Variants in MYH13 observed in about 807,000 individuals in gnomAD.
MYH13 encodes myosin-13.
Under a neutral mutation model 232.1 loss-of-function variants are expected in MYH13, and 177 were observed. The ratio of observed to expected loss-of-function variants is 0.76; its 90% CI spans 0.67 to 0.86. The LOEUF is 0.86. MYH13 is among the 40% of genes least tolerant of loss of function. MYH13 has a pLI of 0.00. For missense variants in MYH13, 2,246 were observed against 2,405.9 expected, an observed-to-expected ratio of 0.93 and a Z score of 1.39; for synonymous variants, 884 against 923.5, an observed-to-expected ratio of 0.96 and a Z score of 0.78.
At chr17:10,365,724 G>C (rs2071828871) in intron 2 of MYH13, among the ~76,000 whole-genome samples, 1 of 152,144 alleles carries the variant, frequency 6.6e-6, no homozygotes, top group South Asian at 2.1e-4. Flanking sequence ...ATAGGAGATG[G>C]GGAAGTACTG....
intron 27 of MYH13, among the ~76,000 whole-genome samples, chr17:10,317,019 T>G (rs767339437): frequency 6.6e-6 from 1 of 152,104 alleles, no homozygotes; most frequent in Non-Finnish European, 1.5e-5. Flanking sequence ...GATGGCAGCT[T>G]GCAAGGAGAA....
Position 10,332,097 on chromosome 17 carries a change from A to G in MYH13, c.2298+2T>C, listed in dbSNP as rs1271832561. The G allele has an allele frequency of 6.2e-7, 1 of 1,613,774 alleles. No homozygotes were observed. The highest frequency in any genetic ancestry group is 8.5e-7 in the Non-Finnish European group (1 of 1,179,832). On this transcript the variant is annotated splice_donor_variant, in intron 20 of 40. Coordinates refer to ENST00000252172, the MANE Select transcript of MYH13 (RefSeq NM_003802.3). LOFTEE classifies it high-confidence loss of function. The stretch of plus-strand genomic sequence containing the variant: ...GGGAGTCCCAGCCTTGCCTGTGCTC[A>G]CCTTGGTGTTGCCGAACCTGAACTG...
At position 10,318,960 on chromosome 17, in the gene MYH13, C is replaced by A; in HGVS notation, c.3568G>T (p.Glu1190Ter). Residue 1190 changes from glutamate to a stop codon, truncating the protein, a stop_gained, in exon 27 of 41, where the codon GAA (glutamate) becomes TAA (stop). Transcript: ENST00000252172. LOFTEE classifies it high-confidence loss of function. ...RDLEEATLQH[E>*]ATAATLRKKQ... ...TTCCTCAGGGTGGCTGCTGTGGCTT[C>A]GTGCTGCAGGGTGGCCTCCTCCAGG... 1 of 1,614,152 alleles carries A rather than the reference C, an allele frequency of 6.2e-7. No homozygotes were observed. The highest frequency in any genetic ancestry group is 8.5e-7 in the Non-Finnish European group (1 of 1,180,024).
chr17:10,309,315 C>T lies in MYH13; in HGVS notation c.5088G>A (p.Leu1696=). The part of the protein sequence containing the change: ...LEELEEMKVA[L]EQTERTRRLS... ...GCCTGCGGGTCCGCTCCGTCTGTTC[C>T]AGGGCCACCTTCATTTCCTCCAGCT... Residue 1696 remains leucine (L), a synonymous_variant, in exon 35 of 41, where the codon CTG becomes CTA. Coordinates refer to ENST00000252172, the MANE Select transcript of MYH13 (RefSeq NM_003802.3). 1 of 1,613,976 alleles carries T rather than the reference C, an allele frequency of 6.2e-7. No individual in the cohort carries two copies. Among genetic ancestry groups the T allele is most frequent in the Non-Finnish European group, 8.5e-7 (1 of 1,179,862 alleles).
chr17:10,325,185 G>A (rs1430891710), intron 22 of MYH13, among the ~76,000 whole-genome samples: 2 of 152,090 alleles, frequency 1.3e-5, no homozygotes, highest in Non-Finnish European at 2.9e-5. Context: ...AAAGAATGAA[G>A]CCTCTAGAAA....
At position 10,322,627 on chromosome 17, in the gene MYH13, G is replaced by GT. The variant is rs1470854182; in HGVS notation, c.2935-920dup. Among the ~76,000 whole-genome samples, 231 of 130,838 alleles carry GT rather than the reference G, an allele frequency of 1.8e-3. 4 individuals are homozygous for GT. Among genetic ancestry groups the GT allele is most frequent in the Non-Finnish European group, 2.8e-3 (176 of 62,226 alleles). 85.8% of individuals were successfully genotyped at this position (130,838 alleles called of 152,430 possible). On this transcript the variant is annotated intron_variant, in intron 23 of 40. Coordinates refer to ENST00000252172, the MANE Select transcript of MYH13 (RefSeq NM_003802.3). ...CAATGTTATCATTTACAATGTTACAGTTGTTTTTTTTTTTTTTTTTTTTTG... is the reference window on the plus strand; with the variant it reads ...CAATGTTATCATTTACAATGTTACAGTTTGTTTTTTTTTTTTTTTTTTTTTG...
At chr17:10,302,824 A>C (rs1354745287) in intron 39 of MYH13, among the ~76,000 whole-genome samples, 1 of 151,938 alleles carries the variant, frequency 6.6e-6, no homozygotes, top group African/African-American at 2.4e-5. Flanking sequence ...GAGGTATCTC[A>C]GGTCAGGTCA....
At chr17:10,360,372 A>T (rs1284690608) in intron 5 of MYH13, among the ~76,000 whole-genome samples, 184 bp from the exon 6 acceptor site, 1 of 152,176 alleles carries the variant, frequency 6.6e-6, no homozygotes, top group Non-Finnish European at 1.5e-5. Flanking sequence ...CAAATGTGGG[A>T]TGTGCAACAT....
At chr17:10,316,176 A>G (rs887565388) in intron 27 of MYH13, among the ~76,000 whole-genome samples, 151 bp from the exon 28 acceptor site, 1 of 152,180 alleles carries the variant, frequency 6.6e-6, no homozygotes, top group African/African-American at 2.4e-5. Flanking sequence ...AAAAATCATA[A>G]TCGGCCAGGC....
At position 10,306,220 on chromosome 17, in the gene MYH13, A is replaced by ATGTGTGTGTGTGTG. The variant is rs34889608; in HGVS notation, c.5466+225_5466+238dup. Among the ~76,000 whole-genome samples, 1,738 of 129,960 alleles carry ATGTGTGTGTGTGTG rather than the reference A, an allele frequency of 0.013. 26 individuals carry two copies. The highest frequency in any genetic ancestry group is 0.02 in the Non-Finnish European group (1,215 of 61,000). The allele number at this position is 129,960 out of a possible 152,430, so 85.3% of individuals were successfully genotyped here. A position where few individuals can be genotyped will look rare whatever the true frequency, so the allele number is the denominator to read the frequency against. On this transcript the variant is annotated intron_variant, in intron 37 of 40. Coordinates refer to ENST00000252172, the MANE Select transcript of MYH13 (RefSeq NM_003802.3). This position sits in a 1 kb window ranked among gnomAD's most constrained non-coding sequence, Gnocchi z 4.3. ...CTGAGGTGTGAGCATACCAAAATAG[A>ATGTGTGTGTGTGTG]TGTGTGTGTGTGTGTGTGTGTGTGT...
At chr17:10,314,037 T>A (rs1338907210) in intron 29 of MYH13, among the ~76,000 whole-genome samples, 3 of 152,190 alleles carry the variant, frequency 2.0e-5, no homozygotes, top group African/African-American at 7.2e-5. Context: ...TAGCTCCGAC[T>A]ATAATGGCCA....
chr17:10,365,737 C>T (rs1022868325), intron 2 of MYH13, among the ~76,000 whole-genome samples: 3 of 152,132 alleles, frequency 2.0e-5, no homozygotes, highest in African/African-American at 7.2e-5. Flanking sequence ...AAGTACTGGG[C>T]CTCTAAACTC....
chr17:10,301,614 G>A lies in MYH13; in HGVS notation c.5757C>T (p.Ser1919=). ...EAAERADIAE[S]QVNKLRAKSR... ...TCTTGGCCCTCAGCTTGTTGACCTG[G>A]GACTCAGCGATGTCCGCCCTCTCCG... The change falls in exon 40 of 41, where the codon TCC becomes TCT. Residue 1919 remains serine, a synonymous_variant. Transcript: ENST00000252172. The A allele has an allele frequency of 6.2e-7, 1 of 1,614,180 alleles. No individual in the cohort carries two copies. The highest frequency in any genetic ancestry group is 1.1e-5 in the South Asian group (1 of 91,076).
chr17:10,323,672 T>C (rs898158774), intron 23 of MYH13, among the ~76,000 whole-genome samples: 7 of 150,026 alleles, frequency 4.7e-5, no homozygotes, highest in Non-Finnish European at 1.5e-5. Context: ...GGCAGGAGAA[T>C]TGCTTGAACC....
At chr17:10,332,863 T>C (rs1293662654) in intron 19 of MYH13, among the ~76,000 whole-genome samples, 1 of 152,200 alleles carries the variant, frequency 6.6e-6, no homozygotes, top group Non-Finnish European at 1.5e-5. Flanking sequence ...AGAGTCACAA[T>C]CAGGCTAGAG....
intron 31 of MYH13, among the ~76,000 whole-genome samples, chr17:10,312,358 C>A (rs1475388067): frequency 6.6e-6 from 1 of 152,174 alleles, no homozygotes; most frequent in Non-Finnish European, 1.5e-5. Flanking sequence ...CAAGAAGACA[C>A]CTCAAGTCCC....
chr17:10,345,522 T>G lies in MYH13; in HGVS notation c.1358A>C (p.Gln453Pro), dbSNP rs762822823. ...GACCCCGATGAAGTACTGCCTGGGC[T>G]GCTTGGTGTCCAGCTGCTGGTTGAT... ...TRINQQLDTK[Q>P]PRQYFIGVLD... The change falls in exon 14 of 41, where the codon CAG becomes CCG. Residue 453 changes from glutamine (Q) to proline (P), a missense_variant. Physicochemically the swap from Gln to Pro is moderately conservative, Grantham distance 76. Coordinates refer to ENST00000252172, the MANE Select transcript of MYH13 (RefSeq NM_003802.3). 5.6e-6 allele frequency: 9 copies of G among 1,614,098 alleles called. No homozygotes were observed. Among genetic ancestry groups the G allele is most frequent in the African/African-American group, 5.3e-5 (4 of 74,934 alleles).
chr17:10,305,449 C>A (rs1427243741), intron 37 of MYH13, among the ~76,000 whole-genome samples: 2 of 152,096 alleles, frequency 1.3e-5, no homozygotes, highest in Non-Finnish European at 2.9e-5. Flanking sequence ...GTTTTTAGCA[C>A]CTCCCTAAAA....
rs184401376 is a variant in MYH13 at position 10,303,388 on chromosome 17, C to A, written c.5571+6G>T. On this transcript the variant is annotated splice_donor_region_variant and intron_variant, in intron 38 of 40. Coordinates refer to ENST00000252172, the MANE Select transcript of MYH13 (RefSeq NM_003802.3). The stretch of plus-strand genomic sequence containing the variant: ...CATTCACTGAGGAGGTTTTTGGGAC[C>A]CCTACCTGGTAAGTCATCTCCTTGA... 2.5e-6 allele frequency: 4 copies of A among 1,613,774 alleles called. No individual in the cohort carries two copies. The highest frequency in any genetic ancestry group is 1.1e-5 in the South Asian group (1 of 91,068).
Sources: allele counts gnomAD v4.1 joint callset (sites outside exome capture counted in the v4.1 genomes callset), GRCh38; gene constraint gnomAD v4.1.1; non-coding constraint Gnocchi (gnomAD v3.1); transcripts MANE v1.5; gene names NCBI Gene and HGNC (gene_info 2026-07-23, HGNC 2026-07-21).